SLCO3A1: variants seen among roughly 807,000 people sequenced by gnomAD.
The protein encoded by SLCO3A1 is solute carrier organic anion transporter family member 3A1.
In SLCO3A1, 27 loss-of-function variants were observed where a neutral mutation model predicts 63.1. The ratio of observed to expected loss-of-function variants is 0.43; its 90% CI spans 0.32 to 0.59. SLCO3A1 has a LOEUF of 0.59. Among genes scored for constraint, SLCO3A1 ranks in the 20% least tolerant of loss-of-function variants. The pLI is 0.09. For synonymous variants in SLCO3A1, 473 were observed against 409.9 expected (o/e 1.15, Z -1.86); for missense variants, 773 against 945.8 (o/e 0.82, Z 2.40).
intron 2 of SLCO3A1, among the ~76,000 whole-genome samples, chr15:92,039,335 A>G (rs2046767758): frequency 1.3e-5 from 2 of 152,220 alleles, no homozygotes; most frequent in African/African-American, 4.8e-5. Flanking sequence ...CCGTCTGACA[A>G]AGATCTGATA....
chr15:92,118,362 C>A (rs1164760859), intron 4 of SLCO3A1, among the ~76,000 whole-genome samples: 1 of 152,188 alleles, frequency 6.6e-6, no homozygotes, highest in Non-Finnish European at 1.5e-5. Context: ...GGTCATCTGG[C>A]TCAGTCCATT....
At chr15:92,018,750 A>C (rs57163574) in intron 2 of SLCO3A1, among the ~76,000 whole-genome samples, 36,473 of 152,070 alleles carry the variant, frequency 0.24, 5,057 homozygotes, top group African/African-American at 0.37. Flanking sequence ...AGAGGGGATC[A>C]CGGGGTGGGT....
chr15:91,951,935 G>T (rs141254323), intron 2 of SLCO3A1, among the ~76,000 whole-genome samples: 25 of 152,124 alleles, frequency 1.6e-4, no homozygotes, highest in Middle Eastern at 3.4e-3. Flanking sequence ...GTGTCGTGTT[G>T]TAACTCTAGG....
chr15:91,975,493 C>CCA (rs1389082783), intron 2 of SLCO3A1, among the ~76,000 whole-genome samples: 1 of 152,202 alleles, frequency 6.6e-6, no homozygotes, highest in African/African-American at 2.4e-5. Flanking sequence ...AGCTGTCATG[C>CCA]CACACACTTG....
intron 9 of SLCO3A1, among the ~76,000 whole-genome samples, chr15:92,155,601 A>G (rs1322149881): frequency 6.6e-6 from 1 of 151,298 alleles, no homozygotes; most frequent in East Asian, 1.9e-4. Flanking sequence ...TGAGCAGGGC[A>G]TGAGGTTTAG....
At chr15:92,081,575 C>G (rs2047347026) in intron 2 of SLCO3A1, among the ~76,000 whole-genome samples, 2 of 152,280 alleles carry the variant, frequency 1.3e-5, no homozygotes, top group African/African-American at 4.8e-5. Context: ...ACCATGTTGG[C>G]CAGGCTGGTC....
intron 9 of SLCO3A1, chr15:92,155,245 G>C (rs1222059518): frequency 6.6e-6 from 1 of 152,304 alleles, no homozygotes; most frequent in Non-Finnish European, 1.5e-5. Flanking sequence ...CTCTGCTCCT[G>C]AGTTGGTCTA....
intron 2 of SLCO3A1, among the ~76,000 whole-genome samples, chr15:91,990,009 C>G (rs1307444731): frequency 2.0e-5 from 3 of 152,154 alleles, no homozygotes; most frequent in Non-Finnish European, 4.4e-5. Context: ...TCAGATGACC[C>G]ATGAGCTCAG....
chr15:92,157,442 C>G lies in SLCO3A1; in HGVS notation c.1754-5314C>G, dbSNP rs138602420. 3.5e-3 allele frequency among the ~76,000 whole-genome samples: 531 copies of G among 152,146 alleles called. 7 individuals are homozygous for G. Among genetic ancestry groups the G allele is most frequent in the Non-Finnish European group, 4.3e-3 (292 of 68,012 alleles). ...ACACCTGGCCCCCCCCCTTGTCCTC[C>G]CTTCTGGACACACCTGATTATCCTC... On this transcript the variant is annotated intron_variant, in intron 9 of 9. Coordinates refer to ENST00000318445, the MANE Select transcript of SLCO3A1 (RefSeq NM_013272.4).
In SLCO3A1 at chr15:91,900,899, A is replaced by G. The variant is rs1898137176; in HGVS notation, c.181-15094A>G. On this transcript the variant is annotated intron_variant, in intron 1 of 9. Coordinates refer to ENST00000318445, the MANE Select transcript of SLCO3A1 (RefSeq NM_013272.4). The surrounding 1 kb of genome is among the most constrained non-coding windows in gnomAD (Gnocchi z 4.3). The stretch of plus-strand genomic sequence containing the variant: ...TACTGATTTTCTGTCTCATTGTTTT[A>G]TCAATTATTGAGAGGGATATTAACT... 6.6e-6 allele frequency among the ~76,000 whole-genome samples: 1 copy of G among 152,098 alleles called. No homozygotes were observed.
intron 2 of SLCO3A1, among the ~76,000 whole-genome samples, chr15:91,982,752 A>G (rs1262143167): frequency 1.3e-5 from 2 of 152,268 alleles, no homozygotes; most frequent in Non-Finnish European, 2.9e-5. Flanking sequence ...GATGGGTGGG[A>G]GGACAGGTGT....
intron 2 of SLCO3A1, among the ~76,000 whole-genome samples, chr15:92,011,551 G>T (rs572756959): frequency 6.6e-6 from 1 of 152,160 alleles, no homozygotes. Context: ...GGCTTACCTG[G>T]GTCACCCTAT....
In SLCO3A1 at chr15:91,856,233, A is replaced by G. The variant is rs1417505822; in HGVS notation, c.180+2145A>G. Among the ~76,000 whole-genome samples the G allele has an allele frequency of 1.3e-5, 2 of 152,092 alleles. No homozygotes were observed. Among genetic ancestry groups the G allele is most frequent in the Non-Finnish European group, 2.9e-5 (2 of 68,012 alleles). ...GCCTGGTTGGGTGGGGTAGGGTAAC[A>G]GGAGTCAACAGGTGACTTGCAGAAA... On this transcript the variant is annotated intron_variant, in intron 1 of 9. Transcript: ENST00000318445. The surrounding 1 kb of genome is among the most constrained non-coding windows in gnomAD (Gnocchi z 4.9).
intron 2 of SLCO3A1, among the ~76,000 whole-genome samples, chr15:91,923,923 A>G (rs1306256017): frequency 6.6e-6 from 1 of 152,178 alleles, no homozygotes; most frequent in Non-Finnish European, 1.5e-5. Context: ...CTAGTTGGGC[A>G]TTTAGGTGAT....
At chr15:91,938,035 CA>C (rs1555451297) in intron 2 of SLCO3A1, among the ~76,000 whole-genome samples, 1 of 152,144 alleles carries the variant, frequency 6.6e-6, no homozygotes, top group Non-Finnish European at 1.5e-5. Context: ...AGGAAGCAAT[CA>C]GGGAAAATTA....
At chr15:92,037,355 C>G (rs1170714016) in intron 2 of SLCO3A1, among the ~76,000 whole-genome samples, 2 of 152,180 alleles carry the variant, frequency 1.3e-5, no homozygotes, top group Admixed American at 6.5e-5. Flanking sequence ...GAACCTGATG[C>G]TCAGAGACTG....
chr15:92,127,217 T>G (rs28370428), intron 6 of SLCO3A1, among the ~76,000 whole-genome samples: 6,932 of 152,276 alleles, frequency 0.046, 409 homozygotes, highest in African/African-American at 0.14. Flanking sequence ...TTCAGATATG[T>G]CTTCTTCCCG....
chr15:92,018,973 G>A (rs2046473027), intron 2 of SLCO3A1, among the ~76,000 whole-genome samples: 1 of 152,144 alleles, frequency 6.6e-6, no homozygotes, highest in Non-Finnish European at 1.5e-5. Context: ...CCCCCAGGAG[G>A]CTATTTTTAG....
intron 2 of SLCO3A1, among the ~76,000 whole-genome samples, chr15:92,070,728 G>A (rs144147722): frequency 1.0e-3 from 155 of 152,064 alleles, no homozygotes; most frequent in African/African-American, 3.2e-3. Context: ...GAGTGGGAGG[G>A]GGCAGAGATG....
Sources: gnomAD v4.1 joint callset for allele counts (sites outside exome capture counted in the v4.1 genomes callset) on GRCh38, gnomAD v4.1.1 for gene constraint, Gnocchi (gnomAD v3.1) non-coding constraint, MANE v1.5 for transcripts, NCBI Gene and HGNC (gene_info 2026-07-23, HGNC 2026-07-21) for gene names.